The following PTPRA variants were observed in gnomAD, a reference collection of about 807,000 sequenced individuals.
PTPRA encodes receptor-type tyrosine-protein phosphatase alpha.
Under a neutral mutation model 104.8 loss-of-function variants are expected in PTPRA, and 25 were observed. That is an observed-to-expected ratio of 0.24 (90% CI 0.17 to 0.33). The LOEUF is 0.33. PTPRA is among the 10% of genes least tolerant of loss of function. The pLI is 1.00. For synonymous variants in PTPRA, 323 were observed against 368.9 expected, an observed-to-expected ratio of 0.88 and a Z score of 1.43; for missense variants, 765 against 1,015.3, an observed-to-expected ratio of 0.75 and a Z score of 3.35.
intron 1 of PTPRA, among the ~76,000 whole-genome samples, chr20:2,899,554 G>C (rs1200005154): frequency 6.6e-6 from 1 of 152,114 alleles, no homozygotes; most frequent in African/African-American, 2.4e-5. Context: ...TTTGTAATAT[G>C]ATTTTTGTGT....
chr20:2,959,018 G>C (rs959708496), intron 3 of PTPRA, among the ~76,000 whole-genome samples: 1 of 152,138 alleles, frequency 6.6e-6, no homozygotes, highest in African/African-American at 2.4e-5. Context: ...GGATAGTGTT[G>C]TTGCAAATGC....
intron 3 of PTPRA, among the ~76,000 whole-genome samples, chr20:2,960,273 G>A (rs375561698): frequency 6.3e-5 from 9 of 143,348 alleles, no homozygotes; most frequent in African/African-American, 2.1e-4. Context: ...TTTTTGAGAC[G>A]GAGTCTCACT....
chr20:2,986,721 A>AT (rs777745060), intron 6 of PTPRA, 44 bp from the exon 7 acceptor site: 5 of 1,541,056 alleles, frequency 3.2e-6, no homozygotes, highest in Non-Finnish European at 2.7e-6. Context: ...TAAGCCCTCC[A>AT]TTGCACAACA....
intron 1 of PTPRA, among the ~76,000 whole-genome samples, chr20:2,914,606 A>G (rs1237929082): frequency 6.6e-6 from 1 of 151,874 alleles, no homozygotes; most frequent in Non-Finnish European, 1.5e-5. Flanking sequence ...TTAATATATT[A>G]CTATTTACTT....
At chr20:2,898,961 A>G (rs1364102408) in intron 1 of PTPRA, among the ~76,000 whole-genome samples, 1 of 152,242 alleles carries the variant, frequency 6.6e-6, no homozygotes, top group African/African-American at 2.4e-5. Context: ...GAATGTACTT[A>G]GAAAATAAAA....
At chr20:3,025,130 C>G (rs1477444727) in intron 17 of PTPRA, among the ~76,000 whole-genome samples, 1 of 152,176 alleles carries the variant, frequency 6.6e-6, no homozygotes, top group Non-Finnish European at 1.5e-5. Flanking sequence ...CTCAACACAC[C>G]TAAGGCATAT....
intron 1 of PTPRA, among the ~76,000 whole-genome samples, chr20:2,912,948 G>A (rs1418236327): frequency 2.6e-5 from 4 of 152,094 alleles, no homozygotes; most frequent in Non-Finnish European, 5.9e-5. Flanking sequence ...TTTTTTTGTC[G>A]TAATTGCATT....
At position 3,035,723 on chromosome 20, in the gene PTPRA, G is replaced by A. The variant is rs144795513; in HGVS notation, c.2046+13G>A. 51 of 1,614,184 alleles carry A rather than the reference G, an allele frequency of 3.2e-5. No individual in the cohort carries two copies. The African/African-American group carries it at 4.0e-4, about 13-fold the overall frequency. On this transcript the variant is annotated intron_variant, in intron 21 of 23. Transcript: ENST00000399903. This position sits in a 1 kb window ranked among gnomAD's most constrained non-coding sequence, Gnocchi z 5.8. ...CACCAACACCAGGGTAAGATGGGTC[G>A]TGGGTGGACTCTGCCCACAGGAAAA...
rs546334909 is a variant in PTPRA, at chr20:3,007,371, C to G, written c.857C>G (p.Pro286Arg). Residue 286 changes from proline to arginine, a missense_variant, in exon 11 of 24, where the codon CCG becomes CGG. Physicochemically the swap from Pro to Arg is moderately radical, Grantham distance 103. This residue lies in a region of PTPRA where 245 missense variants were observed against 398.7 expected (regional missense o/e 0.61). Coordinates refer to ENST00000399903, the MANE Select transcript of PTPRA (RefSeq NM_001385305.1). ...PYDHSRVHLT[P>R]VEGVPDSDYI... is the part of the protein sequence containing the mutation. Reference sequence around the variant, plus strand: ...GACCACTCTAGAGTCCACCTGACACCGGTTGAAGGGGTTCCAGATTCTGAT... The same window carrying G: ...GACCACTCTAGAGTCCACCTGACACGGGTTGAAGGGGTTCCAGATTCTGAT... 1.2e-5 allele frequency: 19 copies of G among 1,613,918 alleles called. No individual in the cohort carries two copies. Among genetic ancestry groups the G allele is most frequent in the Non-Finnish European group, 4.2e-6 (5 of 1,179,928 alleles).
chr20:3,013,701 G>A (rs1356923731), intron 11 of PTPRA, among the ~76,000 whole-genome samples: 3 of 151,998 alleles, frequency 2.0e-5, no homozygotes, highest in African/African-American at 4.8e-5. Context: ...ATGAGCCACC[G>A]CGCCCAGCCT....
chr20:2,991,423 C>G (rs2063170471), intron 9 of PTPRA, among the ~76,000 whole-genome samples: 1 of 151,956 alleles, frequency 6.6e-6, no homozygotes, highest in South Asian at 2.1e-4. Context: ...GCCTCAGTAC[C>G]ATAGCTGGAT....
chr20:3,002,566 A>G (rs1357318326), intron 9 of PTPRA, among the ~76,000 whole-genome samples: 4 of 152,044 alleles, frequency 2.6e-5, no homozygotes, highest in African/African-American at 9.7e-5. Flanking sequence ...ACCTCAAATG[A>G]TCCACCCGCC....
chr20:3,030,698 T>C (rs1215393866), intron 20 of PTPRA, among the ~76,000 whole-genome samples: 1 of 141,700 alleles, frequency 7.1e-6, no homozygotes, highest in Non-Finnish European at 1.5e-5. Context: ...TTTTTTTTTT[T>C]TTTTTGAGAT....
At chr20:2,878,429 T>G (rs1458907241) in intron 1 of PTPRA, among the ~76,000 whole-genome samples, 1 of 152,152 alleles carries the variant, frequency 6.6e-6, no homozygotes, top group Non-Finnish European at 1.5e-5. Context: ...AGGCTAGTCT[T>G]GAACTCCTGG....
chr20:3,036,183 G>A (rs1382647389), intron 22 of PTPRA, among the ~76,000 whole-genome samples: 2 of 152,194 alleles, frequency 1.3e-5, no homozygotes, highest in Admixed American at 1.3e-4. Context: ...AGCAGCAGGG[G>A]AGACTGGCAG....
intron 9 of PTPRA, among the ~76,000 whole-genome samples, chr20:2,989,410 C>T (rs911749444): frequency 9.9e-5 from 15 of 152,018 alleles, no homozygotes; most frequent in Non-Finnish European, 2.2e-4. Context: ...TCTGACCTGG[C>T]GACAGAGCGA....
At chr20:3,009,009 T>C (rs1424237761) in intron 11 of PTPRA, among the ~76,000 whole-genome samples, 3 of 151,912 alleles carry the variant, frequency 2.0e-5, no homozygotes, top group African/African-American at 7.3e-5. Flanking sequence ...AGTGTGAACA[T>C]AAGAAGGGCT....
At chr20:3,023,137 C>G (rs911159734) in intron 16 of PTPRA, among the ~76,000 whole-genome samples, 5 of 152,186 alleles carry the variant, frequency 3.3e-5, no homozygotes, top group Non-Finnish European at 2.9e-5. Context: ...TAGGGCTGTG[C>G]AGGATGTGCT....
chr20:2,866,783 G>A, the PTPRA span: 37 of 693,514 alleles, frequency 5.3e-5, no homozygotes, highest in Admixed American at 5.1e-4. Context: ...CTCAAGACAG[G>A]ATCCTCCAGA....
Sources: gnomAD v4.1 joint callset for allele counts (sites outside exome capture counted in the v4.1 genomes callset) on GRCh38, gnomAD v4.1.1 for gene constraint, gnomAD v4.1.1 regional missense constraint, Gnocchi (gnomAD v3.1) non-coding constraint, MANE v1.5 for transcripts, NCBI Gene and HGNC (gene_info 2026-07-23, HGNC 2026-07-21) for gene names.